SCAMP4: variants seen among roughly 807,000 people sequenced by gnomAD.
SCAMP4 encodes secretory carrier membrane protein 4.
A neutral mutation model predicts 32.1 loss-of-function variants in SCAMP4; 19 were observed. The observed-to-expected ratio is 0.59, with a 90% CI of 0.41 to 0.87. The LOEUF is 0.87. Among genes scored for constraint, SCAMP4 ranks in the 40% least tolerant of loss-of-function variants. The pLI, the probability that SCAMP4 is intolerant of heterozygous loss-of-function variation, is 0.00. For missense variants in SCAMP4, 302 were observed against 309.0 expected (o/e 0.98, Z 0.17); for synonymous variants, 152 against 132.7 (o/e 1.15, Z -1.00).
At chr19:1,919,248 C>A in intron 5 of SCAMP4, 1 of 1,337,350 alleles carries the variant, frequency 7.5e-7, no homozygotes, top group Non-Finnish European at 9.6e-7. Context: ...TGCCTGCGTC[C>A]TCGCCAGCGC....
chr19:1,911,023 G>A (rs1438770623), intron 1 of SCAMP4, among the ~76,000 whole-genome samples: 5 of 152,068 alleles, frequency 3.3e-5, no homozygotes, highest in South Asian at 4.1e-4. Context: ...CTACAGGTGC[G>A]TGCCACCAGG....
chr19:1,908,314 C>A lies in SCAMP4; in HGVS notation c.-42+2875C>A. ...TTGAACGCGTGAGCTTCGGGCAGCG[C>A]TGGGGCCGCTTCAGCGTGACCTCCA... On this transcript the variant is annotated intron_variant, in intron 1 of 6. Transcript: ENST00000316097. This position sits in a 1 kb window ranked among gnomAD's most constrained non-coding sequence, Gnocchi z 4.2. The A allele has an allele frequency of 2.8e-6, 1 of 351,264 alleles. No homozygotes were observed. The highest frequency in any genetic ancestry group is 3.8e-5 in the Admixed American group (1 of 25,980). The allele number at this position is 351,264 out of a possible 1,614,324, so 21.8% of individuals were successfully genotyped here. A position where few individuals can be genotyped will look rare whatever the true frequency, so the allele number is the denominator to read the frequency against.
intron 2 of SCAMP4, among the ~76,000 whole-genome samples, chr19:1,916,885 G>A (rs906434829): frequency 1.3e-5 from 2 of 152,214 alleles, no homozygotes; most frequent in African/African-American, 4.8e-5. Context: ...GCATGTTGGC[G>A]TCCCTGCCTG....
rs201305758 is a variant in SCAMP4, at chr19:1,923,239, C to T, written c.513+52C>T. 469 of 1,456,260 alleles carry T rather than the reference C, an allele frequency of 3.2e-4. No individual in the cohort carries two copies. The African/African-American group carries it at 4.2e-3, about 13-fold the overall frequency. The allele number at this position is 1,456,260 out of a possible 1,614,324, so 90.2% of individuals were successfully genotyped here. A position where few individuals can be genotyped will look rare whatever the true frequency, so the allele number is the denominator to read the frequency against. On this transcript the variant is annotated intron_variant, in intron 6 of 6. Coordinates refer to ENST00000316097, the MANE Select transcript of SCAMP4 (RefSeq NM_079834.4). ...GCCCTTACCCCTTCTCCATGAACCTCGTCACCCAACTGTCCCAGGTGGGTG... is the reference window on the plus strand; with the variant it reads ...GCCCTTACCCCTTCTCCATGAACCTTGTCACCCAACTGTCCCAGGTGGGTG...
At chr19:1,919,482 C>T (rs907316222) in intron 5 of SCAMP4, 56 of 962,940 alleles carry the variant, frequency 5.8e-5, no homozygotes, top group Non-Finnish European at 6.9e-5. Context: ...AAATTTCTGC[C>T]TTTTTTCTTT....
At chr19:1,921,483 A>G (rs1379777141) in intron 5 of SCAMP4, 1 of 985,434 alleles carries the variant, frequency 1.0e-6, no homozygotes, top group Non-Finnish European at 1.2e-6. Flanking sequence ...GGAATCGGAC[A>G]TCAGCGGGCG....
At chr19:1,920,226 C>G (rs746818902) in intron 5 of SCAMP4, 1 of 985,352 alleles carries the variant, frequency 1.0e-6, no homozygotes, top group Admixed American at 6.1e-5. Flanking sequence ...CTTGGCACGG[C>G]GGGAGCTCCC....
chr19:1,906,706 G>C (rs1277257448), intron 1 of SCAMP4: 3 of 152,082 alleles, frequency 2.0e-5, no homozygotes, highest in East Asian at 1.9e-4. Context: ...AAAAAGCCAG[G>C]CATGGTGGTG....
chr19:1,912,297 C>T (rs779905008), intron 1 of SCAMP4: 2 of 1,565,738 alleles, frequency 1.3e-6, no homozygotes, highest in Non-Finnish European at 1.7e-6. Context: ...GGCCCTGCAC[C>T]CGCTCCCCGC....
In SCAMP4 at chr19:1,908,874, C is replaced by T. The variant is rs1420615894; in HGVS notation, c.-42+3435C>T. On this transcript the variant is annotated intron_variant, in intron 1 of 6. Transcript: ENST00000316097. This position sits in a 1 kb window ranked among gnomAD's most constrained non-coding sequence, Gnocchi z 4.2. ...ATCCCAGCACTTTGGGAGGCTGAGG[C>T]AGGTGGATCACCTGAGGTCAGGAGT... 6.6e-6 allele frequency among the ~76,000 whole-genome samples: 1 copy of T among 151,134 alleles called. No homozygotes were observed. The highest frequency in any genetic ancestry group is 2.4e-5 in the African/African-American group (1 of 41,006).
At chr19:1,915,431 G>A (rs1294500839) in intron 2 of SCAMP4, 1 of 253,782 alleles carries the variant, frequency 3.9e-6, no homozygotes, top group African/African-American at 2.2e-5. Context: ...GGCCCTCGCA[G>A]GCGCCCAGGG....
rs1339392163 is a variant in SCAMP4, at chr19:1,923,107, C to A, written c.433C>A (p.Pro145Thr). The A allele has an allele frequency of 1.3e-6, 2 of 1,552,578 alleles. No individual in the cohort carries two copies. The highest frequency in any genetic ancestry group is 1.4e-5 in the African/African-American group (1 of 73,252). Residue 145 changes from proline (P) to threonine (T), a missense_variant, in exon 6 of 7, where the codon CCG becomes ACG. By Grantham distance (38) the Pro-to-Thr change is conservative. Coordinates refer to ENST00000316097, the MANE Select transcript of SCAMP4 (RefSeq NM_079834.4). ...LSAIGFFQYS[P>T]GAAVVMLLPA... ...GGCAATTGGATTCTTCCAGTACAGC[C>A]CGGGCGCTGCCGTGGTCATGCTGCT...
chr19:1,917,997 C>T, intron 3 of SCAMP4, 130 bp from the exon 4 acceptor site: 2 of 1,376,432 alleles, frequency 1.5e-6, no homozygotes, highest in Non-Finnish European at 2.0e-6. Context: ...TCTTGGCTTG[C>T]ACAGTTCATC....
rs1368136647 is a variant in SCAMP4, at chr19:1,908,134, G to A, written c.-42+2695G>A. 3 of 241,416 alleles carry A rather than the reference G, an allele frequency of 1.2e-5. No individual in the cohort carries two copies. Among genetic ancestry groups the A allele is most frequent in the African/African-American group, 2.4e-5 (1 of 42,302 alleles). The allele number at this position is 241,416 out of a possible 1,614,324, so 15.0% of individuals were successfully genotyped here. On this transcript the variant is annotated intron_variant, in intron 1 of 6. Transcript: ENST00000316097. This position sits in a 1 kb window ranked among gnomAD's most constrained non-coding sequence, Gnocchi z 4.2. Reference sequence around the variant, plus strand: ...CCTAGCAGGGCCGTGCGGGCCTCTCGGTCCTGGTCGCGCGTGGTGTGCGTT... The same window carrying A: ...CCTAGCAGGGCCGTGCGGGCCTCTCAGTCCTGGTCGCGCGTGGTGTGCGTT...
intron 1 of SCAMP4, chr19:1,913,051 C>CCCGCTT (rs774578826): frequency 1.2e-6 from 2 of 1,603,380 alleles, no homozygotes; most frequent in South Asian, 2.2e-5. Flanking sequence ...GCCCTGGGCA[C>CCCGCTT]CCGCTTCCGC....
intron 5 of SCAMP4, chr19:1,920,499 C>T: frequency 1.3e-6 from 1 of 759,780 alleles, no homozygotes; most frequent in Non-Finnish European, 1.6e-6. Context: ...GTTTGTGCAC[C>T]CCTCGGATGT....
At position 1,908,426 on chromosome 19, in the gene SCAMP4, T is replaced by C; in HGVS notation, c.-42+2987T>C. On this transcript the variant is annotated intron_variant, in intron 1 of 6. Coordinates refer to ENST00000316097, the MANE Select transcript of SCAMP4 (RefSeq NM_079834.4). This position sits in a 1 kb window ranked among gnomAD's most constrained non-coding sequence, Gnocchi z 4.2. ...TGAGGCGTGGACCAGGCAGTGCATG[T>C]CGAGGAGTAGCACCCACAGCTGCGC... 2.2e-6 allele frequency: 1 copy of C among 463,144 alleles called. No individual in the cohort carries two copies. Among genetic ancestry groups the C allele is most frequent in the Non-Finnish European group, 4.5e-6 (1 of 222,584 alleles). The allele number at this position is 463,144 out of a possible 1,614,324, so 28.7% of individuals were successfully genotyped here.
chr19:1,922,798 A>T, intron 5 of SCAMP4: 1 of 1,120,024 alleles, frequency 8.9e-7, no homozygotes, highest in Non-Finnish European at 1.1e-6. Flanking sequence ...GCGATGGTGA[A>T]GGGATAAGGT....
chr19:1,906,025 G>A (rs1199869219), intron 1 of SCAMP4: 3 of 152,250 alleles, frequency 2.0e-5, no homozygotes, highest in Non-Finnish European at 4.4e-5. Context: ...TTGCAGAGAA[G>A]GCCTCCTTGT....
Sources: allele counts gnomAD v4.1 joint callset (sites outside exome capture counted in the v4.1 genomes callset), GRCh38; gene constraint gnomAD v4.1.1; non-coding constraint Gnocchi (gnomAD v3.1); transcripts MANE v1.5; gene names NCBI Gene and HGNC (gene_info 2026-07-23, HGNC 2026-07-21).